The following SORCS1 variants were observed in gnomAD, a reference collection of about 807,000 sequenced individuals.
SORCS1 encodes sortilin related VPS10 domain containing receptor 1.
A neutral mutation model predicts 146.1 loss-of-function variants in SORCS1; 60 were observed. That is an observed-to-expected ratio of 0.41 (90% confidence interval 0.33 to 0.51). SORCS1 has a LOEUF of 0.51. SORCS1 is among the 20% of genes least tolerant of loss of function. The pLI, the probability that SORCS1 is intolerant of heterozygous loss-of-function variation, is 0.21. For synonymous variants in SORCS1, 637 were observed against 584.0 expected, an observed-to-expected ratio of 1.09 and a Z score of -1.31; for missense variants, 1,352 against 1,487.6, an observed-to-expected ratio of 0.91 and a Z score of 1.50.
intron 1 of SORCS1, among the ~76,000 whole-genome samples, chr10:107,045,206 A>G (rs1444607849): frequency 2.6e-5 from 4 of 152,204 alleles, no homozygotes; most frequent in Non-Finnish European, 5.9e-5. Context: ...TATAAGCTTA[A>G]GTGTGCATAA....
intron 1 of SORCS1, among the ~76,000 whole-genome samples, chr10:107,051,194 A>T (rs1960077110): frequency 6.6e-6 from 1 of 152,190 alleles, no homozygotes; most frequent in South Asian, 2.1e-4. Context: ...AATAAATGAG[A>T]ACATTTCAAA....
At chr10:106,808,963 G>A (rs1324935506) in intron 3 of SORCS1, among the ~76,000 whole-genome samples, 2 of 152,260 alleles carry the variant, frequency 1.3e-5, no homozygotes, top group East Asian at 3.9e-4. Context: ...AATAAACCAA[G>A]TCAAAATAAT....
intron 16 of SORCS1, 135 bp downstream of exon 16, chr10:106,671,102 A>C (rs944441397): frequency 7.7e-6 from 9 of 1,169,552 alleles, no homozygotes; most frequent in Non-Finnish European, 9.6e-6. Context: ...GTAAACTATG[A>C]GGTAATTTTA....
intron 1 of SORCS1, among the ~76,000 whole-genome samples, chr10:107,097,366 A>T (rs1468587840): frequency 2.0e-5 from 3 of 152,206 alleles, no homozygotes; most frequent in African/African-American, 7.2e-5. Context: ...TGTAAAATAA[A>T]GGCAACAAAA....
At chr10:107,018,827 G>A (rs1958008377) in intron 1 of SORCS1, among the ~76,000 whole-genome samples, 1 of 152,132 alleles carries the variant, frequency 6.6e-6, no homozygotes, top group Admixed American at 6.5e-5. Flanking sequence ...TTCATGATTT[G>A]TGCACTTTTC....
chr10:106,762,687 G>A (rs560050152), intron 4 of SORCS1, among the ~76,000 whole-genome samples: 8 of 152,030 alleles, frequency 5.3e-5, no homozygotes, highest in South Asian at 2.1e-4. Context: ...GTGAGCCACC[G>A]TGCCCAGCCT....
intron 5 of SORCS1, among the ~76,000 whole-genome samples, chr10:106,740,052 A>C (rs919718136): frequency 6.6e-6 from 1 of 152,170 alleles, no homozygotes; most frequent in Non-Finnish European, 1.5e-5. Context: ...CAGAACAGCT[A>C]TCTCCACATG....
At chr10:106,809,979 G>A (rs563001868) in intron 3 of SORCS1, among the ~76,000 whole-genome samples, 12 of 152,302 alleles carry the variant, frequency 7.9e-5, no homozygotes, top group South Asian at 4.1e-4. Context: ...CCAGCATTTC[G>A]GAAGGCAGAG....
At chr10:106,792,430 G>A (rs184263108) in intron 3 of SORCS1, among the ~76,000 whole-genome samples, 2 of 152,290 alleles carry the variant, frequency 1.3e-5, no homozygotes, top group East Asian at 1.9e-4. Context: ...CTCACATGAC[G>A]TTTTTCATTT....
At chr10:106,798,811 G>C (rs992153511) in intron 3 of SORCS1, among the ~76,000 whole-genome samples, 3 of 152,070 alleles carry the variant, frequency 2.0e-5, no homozygotes, top group African/African-American at 7.2e-5. Flanking sequence ...CCAGTAATGG[G>C]ATGGCTGGGT....
At chr10:106,713,088 C>T (rs779068038) in intron 6 of SORCS1, among the ~76,000 whole-genome samples, 2 of 152,182 alleles carry the variant, frequency 1.3e-5, no homozygotes, top group Non-Finnish European at 2.9e-5. Context: ...CCTCTGTAAA[C>T]ACTGTGTCTC....
At position 106,776,534 on chromosome 10, in the gene SORCS1, CT is replaced by C; in HGVS notation, c.884del (p.Lys295SerfsTer28). On this transcript the variant is annotated frameshift_variant and splice_region_variant, in exon 4 of 26. Coordinates refer to ENST00000263054, the MANE Select transcript of SORCS1 (RefSeq NM_052918.5). LOFTEE classifies it high-confidence loss of function. ...DWILAYSQDQ[K>X]LYSSAEFGRR... ...TCTCAAACAAGGTAAGTATGCTCAC[CT>C]TTTGGTCTTGACTGTATGCCAGAAT... 1 of 1,613,838 alleles carries C rather than the reference CT, an allele frequency of 6.2e-7. No individual in the cohort carries two copies. The highest frequency in any genetic ancestry group is 8.5e-7 in the Non-Finnish European group (1 of 1,179,826).
At chr10:107,112,239 T>TA (rs1277075575) in intron 1 of SORCS1, among the ~76,000 whole-genome samples, 1 of 152,022 alleles carries the variant, frequency 6.6e-6, no homozygotes, top group Non-Finnish European at 1.5e-5. Context: ...ATCAATTTTA[T>TA]AAAAAAATGG....
intron 1 of SORCS1, among the ~76,000 whole-genome samples, chr10:107,041,466 T>A (rs1361989486): frequency 6.6e-6 from 1 of 151,818 alleles, no homozygotes; most frequent in African/African-American, 2.4e-5. Context: ...AGCATTAGGA[T>A]CCAAGGGGGC....
At chr10:107,103,286 C>T (rs1170631705) in intron 1 of SORCS1, among the ~76,000 whole-genome samples, 3 of 152,188 alleles carry the variant, frequency 2.0e-5, no homozygotes, top group Non-Finnish European at 4.4e-5. Flanking sequence ...ACAGAAGCCA[C>T]GCTAACCCAG....
intron 18 of SORCS1, among the ~76,000 whole-genome samples, chr10:106,634,758 G>A (rs555961514): frequency 2.4e-4 from 36 of 152,258 alleles, no homozygotes; most frequent in East Asian, 5.8e-4. Flanking sequence ...TGTTTAAGCC[G>A]TAAAGAAGAT....
rs145923603 is a variant in SORCS1, at chr10:107,153,842, C to G, written c.558+10127G>C. 6.4e-3 allele frequency among the ~76,000 whole-genome samples: 970 copies of G among 152,168 alleles called. 13 individuals carry two copies. Among genetic ancestry groups the G allele is most frequent in the South Asian group, 0.043 (208 of 4,812 alleles). On this transcript the variant is annotated intron_variant, in intron 1 of 25. Transcript: ENST00000263054. ...TAAGAAATGACAAAAAGAATGAACA[C>G]AAGAAACCTTGCATAGAATCCTAAC...
intron 9 of SORCS1, among the ~76,000 whole-genome samples, chr10:106,690,719 C>T (rs1449378824): frequency 6.6e-6 from 1 of 152,178 alleles, no homozygotes; most frequent in Non-Finnish European, 1.5e-5. Context: ...CTCTTGCAGC[C>T]AAGGCACTTT....
At position 106,581,322 on chromosome 10, in the gene SORCS1, T is replaced by TACACACAC. The variant is rs3044191; in HGVS notation, c.3266-1856_3266-1849dup. ...AGACTTGAACCTGAATCGTCATACA[T>TACACACAC]ACACACACACACACACACACACACA... is the stretch of plus-strand genomic sequence containing the variant. On this transcript the variant is annotated intron_variant, in intron 24 of 25. Transcript: ENST00000263054. Among the ~76,000 whole-genome samples, 352 of 142,438 alleles carry TACACACAC rather than the reference T, an allele frequency of 2.5e-3. 2 individuals are homozygous for TACACACAC. The highest frequency in any genetic ancestry group is 8.0e-3 in the African/African-American group (314 of 39,150). The allele number at this position is 142,438 out of a possible 152,430, so 93.4% of individuals were successfully genotyped here.
Sources: allele counts gnomAD v4.1 joint callset (sites outside exome capture counted in the v4.1 genomes callset), GRCh38; gene constraint gnomAD v4.1.1; transcripts MANE v1.5; gene names NCBI Gene and HGNC (gene_info 2026-07-23, HGNC 2026-07-21).